CYP7B1: variants seen among roughly 807,000 people sequenced by gnomAD.
CYP7B1 encodes the protein cytochrome P450 family 7 subfamily B member 1.
CYP7B1 carries 29 observed loss-of-function variants against 42.7 expected under a neutral mutation model. The ratio of observed to expected loss-of-function variants is 0.68; its 90% CI spans 0.51 to 0.93. The LOEUF (loss-of-function observed/expected upper bound fraction) is 0.93. Among genes scored for constraint, CYP7B1 ranks in the 40% least tolerant of loss-of-function variants. The pLI is 0.00. For missense variants in CYP7B1, 655 were observed against 600.5 expected, an observed-to-expected ratio of 1.09 and a Z score of -0.95; for synonymous variants, 235 against 218.2, an observed-to-expected ratio of 1.08 and a Z score of -0.68.
intron 1 of CYP7B1, among the ~76,000 whole-genome samples, chr8:64,797,391 G>C (rs867103496): frequency 1.3e-5 from 2 of 152,150 alleles, no homozygotes; most frequent in Non-Finnish European, 2.9e-5. Context: ...AACCTACATA[G>C]AATCACATAC....
chr8:64,793,918 T>C (rs1344634966), intron 1 of CYP7B1, among the ~76,000 whole-genome samples: 1 of 151,998 alleles, frequency 6.6e-6, no homozygotes, highest in African/African-American at 2.4e-5. Context: ...AATGGCAAAG[T>C]TGCTTGAACC....
intron 1 of CYP7B1, among the ~76,000 whole-genome samples, chr8:64,691,401 G>T (rs1260317134): frequency 7.4e-6 from 1 of 135,796 alleles, no homozygotes; most frequent in African/African-American, 2.6e-5. Flanking sequence ...TGCCAGAAAA[G>T]CACAGCTCCC....
rs1455147586 is a variant in CYP7B1, at chr8:64,592,365, T to C, written c.*4277A>G. ...CAGACCATTACTTTGGAATGACTGATGGAAGGCTAGTTAGAACTAGTGATA... is the reference window on the plus strand; with the variant it reads ...CAGACCATTACTTTGGAATGACTGACGGAAGGCTAGTTAGAACTAGTGATA... On this transcript the variant is annotated 3_prime_UTR_variant, in exon 6 of 6. Coordinates refer to ENST00000310193, the MANE Select transcript of CYP7B1 (RefSeq NM_004820.5). Among the ~76,000 whole-genome samples the C allele has an allele frequency of 6.6e-6, 1 of 152,222 alleles. No homozygotes were observed. The highest frequency in any genetic ancestry group is 1.5e-5 in the Non-Finnish European group (1 of 68,032).
At chr8:64,712,789 T>C (rs1430790202) in intron 1 of CYP7B1, among the ~76,000 whole-genome samples, 1 of 151,394 alleles carries the variant, frequency 6.6e-6, no homozygotes, top group African/African-American at 2.4e-5. Context: ...ATTATATATA[T>C]ATAGTCTTAC....
In CYP7B1 at chr8:64,596,000, T is replaced by C. The variant is rs1220274073; in HGVS notation, c.*642A>G. 3.7e-5 allele frequency: 6 copies of C among 161,004 alleles called. No individual in the cohort carries two copies. In the East Asian group the frequency reaches 5.5e-4, roughly 15 times the overall value. 10.0% of individuals were successfully genotyped at this position (161,004 alleles called of 1,614,324 possible). A position where few individuals can be genotyped will look rare whatever the true frequency, so the allele number is the denominator to read the frequency against. On this transcript the variant is annotated 3_prime_UTR_variant, in exon 6 of 6. Coordinates refer to ENST00000310193, the MANE Select transcript of CYP7B1 (RefSeq NM_004820.5). Reference sequence around the variant, plus strand: ...TCTAACTTGAACATGAAAGGTCTTATGTAACCAGAAATTTTGTTCTATTGA... The same window carrying C: ...TCTAACTTGAACATGAAAGGTCTTACGTAACCAGAAATTTTGTTCTATTGA...
intron 4 of CYP7B1, among the ~76,000 whole-genome samples, chr8:64,612,461 T>G (rs1805377137): frequency 6.6e-6 from 1 of 152,126 alleles, no homozygotes; most frequent in Non-Finnish European, 1.5e-5. Context: ...TTTCTTTGCC[T>G]AAAATAAGAG....
At position 64,798,632 on chromosome 8, in the gene CYP7B1, G is replaced by C; in HGVS notation, c.-45C>G. ...GGTGGGCAGCCCGGGGTCTGCCTGC[G>C]AACAGCGCGGTCGGCGACTCTGCAG... On this transcript the variant is annotated 5_prime_UTR_variant, in exon 1 of 6. Coordinates refer to ENST00000310193, the MANE Select transcript of CYP7B1 (RefSeq NM_004820.5). 6.2e-6 allele frequency: 9 copies of C among 1,443,632 alleles called. No homozygotes were observed. Among genetic ancestry groups the C allele is most frequent in the Non-Finnish European group, 8.1e-6 (9 of 1,107,494 alleles). The allele number at this position is 1,443,632 out of a possible 1,614,324, so 89.4% of individuals were successfully genotyped here.
At chr8:64,794,195 G>A (rs970530135) in intron 1 of CYP7B1, among the ~76,000 whole-genome samples, 11 of 152,102 alleles carry the variant, frequency 7.2e-5, no homozygotes, top group Admixed American at 6.6e-4. Context: ...GAAAAATCTA[G>A]AAAAGAAGGA....
chr8:64,617,353 T>C lies in CYP7B1; in HGVS notation c.260-1072A>G, dbSNP rs186233394. 3.9e-5 allele frequency among the ~76,000 whole-genome samples: 6 copies of C among 152,290 alleles called. No individual in the cohort carries two copies. In the East Asian group the frequency reaches 1.2e-3, roughly 29 times the overall value. On this transcript the variant is annotated intron_variant, in intron 2 of 5. Transcript: ENST00000310193. Reference sequence around the variant, plus strand: ...TCTACTATAGTCTGTCTCTCAAAATTGGCAGAGACCTTGGAGAATTGCTTG... The same window carrying C: ...TCTACTATAGTCTGTCTCTCAAAATCGGCAGAGACCTTGGAGAATTGCTTG...
At chr8:64,599,985 C>T (rs1288296515) in intron 5 of CYP7B1, among the ~76,000 whole-genome samples, 1 of 152,144 alleles carries the variant, frequency 6.6e-6, no homozygotes, top group Non-Finnish European at 1.5e-5. Context: ...TGTTTAAAGC[C>T]TTCAACACAA....
chr8:64,734,083 T>C (rs1176269073), intron 1 of CYP7B1, among the ~76,000 whole-genome samples: 1 of 152,214 alleles, frequency 6.6e-6, no homozygotes, highest in Non-Finnish European at 1.5e-5. Context: ...TTCAGTACTT[T>C]TGCTTTATAG....
chr8:64,642,265 T>A (rs1405543117), intron 1 of CYP7B1, among the ~76,000 whole-genome samples: 1 of 152,070 alleles, frequency 6.6e-6, no homozygotes, highest in Non-Finnish European at 1.5e-5. Flanking sequence ...ATTTTAAATT[T>A]TTTTTTTTTT....
chr8:64,632,062 T>C (rs1056397517), intron 1 of CYP7B1, among the ~76,000 whole-genome samples: 4 of 152,138 alleles, frequency 2.6e-5, no homozygotes, highest in African/African-American at 7.2e-5. Context: ...AATTATATAA[T>C]CCACTTCTGG....
intron 1 of CYP7B1, among the ~76,000 whole-genome samples, chr8:64,693,208 T>C (rs1186901477): frequency 6.6e-6 from 1 of 151,696 alleles, no homozygotes; most frequent in Middle Eastern, 3.4e-3. Context: ...GCCATGGCTA[T>C]TGGGAGACAA....
intron 1 of CYP7B1, among the ~76,000 whole-genome samples, chr8:64,720,233 A>C (rs941689661): frequency 8.5e-5 from 13 of 152,210 alleles, no homozygotes; most frequent in African/African-American, 3.1e-4. Context: ...CTGAATTAAA[A>C]AAAGACGATG....
At chr8:64,657,047 T>A (rs1019031238) in intron 1 of CYP7B1, among the ~76,000 whole-genome samples, 4 of 151,892 alleles carry the variant, frequency 2.6e-5, no homozygotes, top group Non-Finnish European at 5.9e-5. Context: ...TAACAAATGA[T>A]TGGCTTTTAT....
intron 1 of CYP7B1, among the ~76,000 whole-genome samples, chr8:64,650,103 A>G (rs762344907): frequency 1.3e-5 from 2 of 152,282 alleles, no homozygotes; most frequent in East Asian, 1.9e-4. Context: ...GTGCCTGTGC[A>G]TATGTTTAAA....
chr8:64,650,993 G>C (rs1806030001), intron 1 of CYP7B1, among the ~76,000 whole-genome samples: 1 of 152,170 alleles, frequency 6.6e-6, no homozygotes, highest in South Asian at 2.1e-4. Context: ...TGCAAGTGCT[G>C]ACTTTCTAAA....
At chr8:64,692,403 G>A (rs1011204657) in intron 1 of CYP7B1, among the ~76,000 whole-genome samples, 4 of 152,142 alleles carry the variant, frequency 2.6e-5, no homozygotes, top group African/African-American at 2.4e-5. Flanking sequence ...AGCAGACCCC[G>A]GTGCACAGAG....
Sources: gnomAD v4.1 joint callset for allele counts (sites outside exome capture counted in the v4.1 genomes callset) on GRCh38, gnomAD v4.1.1 for gene constraint, MANE v1.5 for transcripts, NCBI Gene and HGNC (gene_info 2026-07-23, HGNC 2026-07-21) for gene names.